Variants in NAV2 observed in about 807,000 individuals in gnomAD.
NAV2 encodes helicase, APC down-regulated 1.
In NAV2, 54 loss-of-function variants were observed where a neutral mutation model predicts 223.2. The ratio of observed to expected loss-of-function variants is 0.24; its 90% CI spans 0.19 to 0.30. NAV2 has a LOEUF of 0.30. Ranked by LOEUF, NAV2 falls within the 10% of genes least tolerant of loss-of-function variation. The probability of loss-of-function intolerance (pLI) is 1.00; values close to 1 mark genes in which losing one functional copy is unlikely to be tolerated. For synonymous variants in NAV2, 1,279 were observed against 1,239.3 expected (o/e 1.03, Z -0.67); for missense variants, 2,806 against 3,147.5 (o/e 0.89, Z 2.60).
chr11:19,713,850 A>C lies in NAV2; in HGVS notation c.155A>C (p.Tyr52Ser). The change falls in exon 1 of 38, where the codon TAT (tyrosine) becomes TCT (serine). Residue 52 changes from tyrosine (Y) to serine (S), a missense_variant. Physicochemically the swap from Tyr to Ser is moderately radical, Grantham distance 144. Around this residue, in one of 4 missense-constraint regions of NAV2, gnomAD observed 1,167 missense variants for 1,180.5 expected, o/e 0.99. Coordinates refer to ENST00000349880, the MANE Select transcript of NAV2 (RefSeq NM_145117.5). This position sits in a 1 kb window ranked among gnomAD's most constrained non-coding sequence, Gnocchi z 7.2. ...AAGGTGGAGGTGAGCAAGACCACCTATCCTAGCCAGATCCCCCTGAAATCG... is the reference window on the plus strand; with the variant it reads ...AAGGTGGAGGTGAGCAAGACCACCTCTCCTAGCCAGATCCCCCTGAAATCG... ...GSKVEVSKTTYPSQIPLKSQV... is the reference protein window; with the variant it reads ...GSKVEVSKTTSPSQIPLKSQV... 6.2e-7 allele frequency: 1 copy of C among 1,613,580 alleles called. No individual in the cohort carries two copies. The highest frequency in any genetic ancestry group is 8.5e-7 in the Non-Finnish European group (1 of 1,179,908).
intron 10 of NAV2, among the ~76,000 whole-genome samples, chr11:19,969,788 A>G (rs563730195): frequency 1.3e-5 from 2 of 151,854 alleles, no homozygotes; most frequent in South Asian, 4.2e-4. Flanking sequence ...TAAAAATACA[A>G]AAACAAAATT....
intron 1 of NAV2, among the ~76,000 whole-genome samples, chr11:19,683,051 A>G (rs933490663): frequency 2.0e-5 from 3 of 152,226 alleles, no homozygotes; most frequent in African/African-American, 7.2e-5. Flanking sequence ...TTCTGGCTAG[A>G]AGTTAGAAGA....
chr11:19,914,254 T>C (rs1019527798), intron 6 of NAV2, among the ~76,000 whole-genome samples: 2 of 152,240 alleles, frequency 1.3e-5, no homozygotes, highest in Non-Finnish European at 2.9e-5. Context: ...TTTTTGGAAG[T>C]GTTTCCTTTT....
At chr11:19,529,370 G>C (rs564625076) in intron 1 of NAV2, among the ~76,000 whole-genome samples, 1 of 152,186 alleles carries the variant, frequency 6.6e-6, no homozygotes, top group Non-Finnish European at 1.5e-5. Context: ...TTAGTGCTGG[G>C]GGTACAGCTG....
chr11:20,026,137 G>C (rs1020940577), intron 11 of NAV2, among the ~76,000 whole-genome samples: 7 of 152,098 alleles, frequency 4.6e-5, no homozygotes, highest in African/African-American at 1.2e-4. Flanking sequence ...CCTGGTATTA[G>C]TGGTACTAGA....
rs757123573 is a variant in NAV2 at position 19,933,960 on chromosome 11, G to A, written c.1716G>A (p.Met572Ile). ...SGIPKPGMKSMPGKSPSAPAP... is the reference protein window; with the variant it reads ...SGIPKPGMKSIPGKSPSAPAP... ...TACCAAAACCAGGAATGAAAAGCAT[G>A]CCCGGGAAATCCCCAAGTGCCCCAG... is the stretch of plus-strand genomic sequence containing the variant. The change falls in exon 7 of 38, where the codon ATG (methionine) becomes ATA (isoleucine). Residue 572 changes from methionine (M) to isoleucine (I), a missense_variant. By Grantham distance (10) the Met-to-Ile change is conservative. Transcript: ENST00000349880. The surrounding 1 kb of genome is among the most constrained non-coding windows in gnomAD (Gnocchi z 4.3). 31 of 1,596,706 alleles carry A rather than the reference G, an allele frequency of 1.9e-5. No individual in the cohort carries two copies. The highest frequency in any genetic ancestry group is 2.6e-5 in the Non-Finnish European group (31 of 1,173,170).
At chr11:19,856,159 T>C (rs1283676255) in intron 3 of NAV2, among the ~76,000 whole-genome samples, 1 of 152,186 alleles carries the variant, frequency 6.6e-6, no homozygotes, top group Non-Finnish European at 1.5e-5. Context: ...AACTTAAAAA[T>C]TATCATTCTT....
intron 1 of NAV2, among the ~76,000 whole-genome samples, chr11:19,416,644 T>A (rs1294908413): frequency 6.6e-6 from 1 of 152,162 alleles, no homozygotes; most frequent in South Asian, 2.1e-4. Context: ...GCCAAGACAA[T>A]CCTAAGCAAA....
chr11:19,567,851 C>T (rs1333988214), intron 1 of NAV2, among the ~76,000 whole-genome samples: 2 of 152,184 alleles, frequency 1.3e-5, no homozygotes, highest in South Asian at 2.1e-4. Flanking sequence ...TTCCTCCTTC[C>T]GAGGGGTCTC....
intron 11 of NAV2, among the ~76,000 whole-genome samples, chr11:20,012,968 A>T (rs897477283): frequency 3.9e-5 from 6 of 152,192 alleles, no homozygotes; most frequent in African/African-American, 7.2e-5. Flanking sequence ...TACCTACTGC[A>T]TAGGGAATGT....
At chr11:19,693,911 A>T (rs560701045) in intron 1 of NAV2, among the ~76,000 whole-genome samples, 2 of 152,362 alleles carry the variant, frequency 1.3e-5, no homozygotes, top group Non-Finnish European at 2.9e-5. Context: ...AAATATCATT[A>T]GGCCGATGTA....
chr11:19,647,848 T>C (rs2047860314), intron 1 of NAV2, among the ~76,000 whole-genome samples: 1 of 152,226 alleles, frequency 6.6e-6, no homozygotes, highest in Non-Finnish European at 1.5e-5. Context: ...GTTTAAAAGT[T>C]AGCGGTCATT....
intron 1 of NAV2, among the ~76,000 whole-genome samples, chr11:19,688,949 T>C (rs2049094641): frequency 6.6e-6 from 1 of 152,198 alleles, no homozygotes; most frequent in Non-Finnish European, 1.5e-5. Context: ...TCATCCTGGC[T>C]ATGAAAAACT....
intron 1 of NAV2, among the ~76,000 whole-genome samples, chr11:19,667,990 G>T (rs543975315): frequency 6.6e-6 from 1 of 152,072 alleles, no homozygotes; most frequent in African/African-American, 2.4e-5. Context: ...CTTGCAGCCT[G>T]TCTTAGCTAA....
intron 17 of NAV2, among the ~76,000 whole-genome samples, chr11:20,053,213 G>T (rs190273492): frequency 3.8e-4 from 32 of 85,296 alleles, no homozygotes; most frequent in Admixed American, 1.6e-3. Flanking sequence ...GCAAGACTAC[G>T]TCTCGAAAAA....
At chr11:19,928,284 AT>A (rs1461061498) in intron 6 of NAV2, among the ~76,000 whole-genome samples, 1 of 152,238 alleles carries the variant, frequency 6.6e-6, no homozygotes, top group African/African-American at 2.4e-5. Context: ...GTTAATTTAT[AT>A]ATGGCTAGTT....
Position 19,751,718 on chromosome 11 carries a change from C to CA in NAV2, c.267+37759dup, listed in dbSNP as rs2053836357. The stretch of plus-strand genomic sequence containing the variant: ...CATAGCATGTATCACTACCTGTTTT[C>CA]AAAGCACGTATTTGCTTTTTGTCCT... On this transcript the variant is annotated intron_variant, in intron 1 of 37. Coordinates refer to ENST00000349880, the MANE Select transcript of NAV2 (RefSeq NM_145117.5). 3.3e-5 allele frequency among the ~76,000 whole-genome samples: 5 copies of CA among 152,342 alleles called. No individual in the cohort carries two copies. The South Asian group carries it at 1.0e-3, about 32-fold the overall frequency.
intron 1 of NAV2, among the ~76,000 whole-genome samples, chr11:19,464,091 C>G (rs1038319280): frequency 6.6e-6 from 1 of 152,298 alleles, no homozygotes; most frequent in South Asian, 2.1e-4. Context: ...CTATTTCATA[C>G]GGTAGTAATC....
intron 1 of NAV2, among the ~76,000 whole-genome samples, chr11:19,514,200 C>T (rs1376629694): frequency 6.6e-6 from 1 of 152,088 alleles, no homozygotes; most frequent in African/African-American, 2.4e-5. Context: ...TTTTGTGCAG[C>T]TCTTCTCTAG....
Sources: allele counts gnomAD v4.1 joint callset (sites outside exome capture counted in the v4.1 genomes callset), GRCh38; gene constraint gnomAD v4.1.1; regional missense constraint gnomAD v4.1.1; non-coding constraint Gnocchi (gnomAD v3.1); transcripts MANE v1.5; gene names NCBI Gene and HGNC (gene_info 2026-07-23, HGNC 2026-07-21).